The following MAEA variants were observed in gnomAD, a reference collection of about 807,000 sequenced individuals.
MAEA encodes E3 ubiquitin-protein transferase MAEA.
MAEA carries 22 observed loss-of-function variants against 46.2 expected under a neutral mutation model. The ratio of observed to expected loss-of-function variants is 0.48; its 90% CI spans 0.34 to 0.68. The LOEUF is 0.68. Among genes scored for constraint, MAEA ranks in the 30% least tolerant of loss-of-function variants. MAEA has a pLI of 0.01. For missense variants in MAEA, 393 were observed against 558.1 expected (o/e 0.70, Z 2.98); for synonymous variants, 246 against 222.6 (o/e 1.11, Z -0.94).
chr4:1,307,974 G>T (rs1228714524), intron 1 of MAEA, among the ~76,000 whole-genome samples: 1 of 148,630 alleles, frequency 6.7e-6, no homozygotes, highest in Non-Finnish European at 1.5e-5. Flanking sequence ...CCATCAAGTT[G>T]ATGCCTGAAA....
intron 1 of MAEA, among the ~76,000 whole-genome samples, chr4:1,295,446 C>G (rs569105387): frequency 6.6e-6 from 1 of 151,946 alleles, no homozygotes; most frequent in African/African-American, 2.4e-5. Context: ...GGACCCGGAC[C>G]GGGACCCTGA....
chr4:1,316,881 C>T (rs1485209464), intron 3 of MAEA, among the ~76,000 whole-genome samples: 1 of 151,956 alleles, frequency 6.6e-6, no homozygotes, highest in African/African-American at 2.4e-5. Context: ...TCCTGTCACG[C>T]TCCTGCCCAG....
intron 3 of MAEA, among the ~76,000 whole-genome samples, chr4:1,321,260 TCAAAG>T (rs1391416255): frequency 1.3e-5 from 2 of 150,886 alleles, no homozygotes; most frequent in East Asian, 3.9e-4. Flanking sequence ...AAAGAAATCA[TCAAAG>T]CAAACGTGCA....
At chr4:1,314,625 G>T (rs952054375) in intron 2 of MAEA, among the ~76,000 whole-genome samples, 2 of 152,232 alleles carry the variant, frequency 1.3e-5, no homozygotes, top group Non-Finnish European at 2.9e-5. Flanking sequence ...GAACTGATGA[G>T]TACCACCAGG....
rs1736485688 is a variant in MAEA at position 1,311,385 on chromosome 4, T to A, written c.70-594T>A. Among the ~76,000 whole-genome samples, 1 of 152,236 alleles carries A rather than the reference T, an allele frequency of 6.6e-6. No individual in the cohort carries two copies. Among genetic ancestry groups the A allele is most frequent in the Non-Finnish European group, 1.5e-5 (1 of 68,038 alleles). Reference sequence around the variant, plus strand: ...CAGAAAACTAACAACGACTTTAAGATTCTCCTTGATTGGCTTATTTCCACA... The same window carrying A: ...CAGAAAACTAACAACGACTTTAAGAATCTCCTTGATTGGCTTATTTCCACA... On this transcript the variant is annotated intron_variant, in intron 1 of 8. Transcript: ENST00000303400. The surrounding 1 kb of genome is among the most constrained non-coding windows in gnomAD (Gnocchi z 4.4).
intron 6 of MAEA, chr4:1,335,848 AGT>A (rs2109014675): frequency 1.7e-5 from 1 of 58,354 alleles, no homozygotes; most frequent in South Asian, 9.5e-4. Context: ...CCTGCCCTGC[AGT>A]GTGTTGAAAT....
At chr4:1,304,576 G>T (rs1037832140) in intron 1 of MAEA, among the ~76,000 whole-genome samples, 2 of 152,110 alleles carry the variant, frequency 1.3e-5, no homozygotes, top group African/African-American at 2.4e-5. Flanking sequence ...GAGTAGTTGG[G>T]ACTACAGGCA....
intron 3 of MAEA, among the ~76,000 whole-genome samples, chr4:1,321,306 A>G (rs543314111): frequency 6.6e-6 from 1 of 152,196 alleles, no homozygotes; most frequent in African/African-American, 2.4e-5. Context: ...TTTAAAAAAG[A>G]TATCATCAAA....
rs551215300 is a variant in MAEA at position 1,309,969 on chromosome 4, T to G, written c.70-2010T>G. On this transcript the variant is annotated intron_variant, in intron 1 of 8. Transcript: ENST00000303400. ...AAGGGACGTCCAGAGAGGCCTTTCC[T>G]TTTCTGGTGGCGGTCTGGAATGTGC... The G allele has an allele frequency of 2.6e-4, 322 of 1,243,658 alleles. 1 individual carries two copies. The African/African-American group carries it at 4.4e-3, about 17-fold the overall frequency. The allele number at this position is 1,243,658 out of a possible 1,614,324, so 77.0% of individuals were successfully genotyped here. A position where few individuals can be genotyped will look rare whatever the true frequency, so the allele number is the denominator to read the frequency against.
In MAEA at chr4:1,315,441, C is replaced by T; in HGVS notation, c.297C>T (p.Cys99=). 6.2e-7 allele frequency: 1 copy of T among 1,613,914 alleles called. No individual in the cohort carries two copies. Among genetic ancestry groups the T allele is most frequent in the Non-Finnish European group, 8.5e-7 (1 of 1,180,018 alleles). The change falls in exon 3 of 9, where the codon TGC becomes TGT. Residue 99 remains cysteine (C), a synonymous_variant. Transcript: ENST00000303400. ...IQAEDESAKL[C]KRRIEHLKEH... Reference sequence around the variant, plus strand: ...CCGAGGACGAGAGCGCCAAGCTGTGCAAGCGCCGGATCGAGCACCTCAAAG... The same window carrying T: ...CCGAGGACGAGAGCGCCAAGCTGTGTAAGCGCCGGATCGAGCACCTCAAAG...
intron 1 of MAEA, among the ~76,000 whole-genome samples, chr4:1,305,829 G>C (rs961942318): frequency 6.6e-6 from 1 of 152,176 alleles, no homozygotes; most frequent in Non-Finnish European, 1.5e-5. Context: ...GCTAAGTCCC[G>C]AGCCGGAGAC....
chr4:1,302,347 T>TA (rs1735398026), intron 1 of MAEA, among the ~76,000 whole-genome samples: 1 of 152,244 alleles, frequency 6.6e-6, no homozygotes, highest in Admixed American at 6.5e-5. Context: ...ATATTTTTGT[T>TA]ACAGCAGCCT....
intron 1 of MAEA, among the ~76,000 whole-genome samples, chr4:1,295,032 T>C (rs1734499190): frequency 6.6e-6 from 1 of 152,024 alleles, no homozygotes; most frequent in Admixed American, 6.5e-5. Flanking sequence ...ACAGTGAGAC[T>C]GGGTGCTGGG....
Position 1,311,874 on chromosome 4 carries a change from T to C in MAEA, c.70-105T>C. On this transcript the variant is annotated intron_variant, in intron 1 of 8. Transcript: ENST00000303400. This position sits in a 1 kb window ranked among gnomAD's most constrained non-coding sequence, Gnocchi z 4.4. ...TTGAGACCATGAACCTTCTGAGACT[T>C]CTGCCTCTACAAGTGCCATGAGGAG... 3.1e-6 allele frequency: 3 copies of C among 983,272 alleles called. No homozygotes were observed. Among genetic ancestry groups the C allele is most frequent in the Non-Finnish European group, 4.6e-6 (3 of 654,832 alleles). 60.9% of individuals were successfully genotyped at this position (983,272 alleles called of 1,614,324 possible).
At chr4:1,331,960 A>T (rs932474829) in intron 5 of MAEA, 3 of 152,694 alleles carry the variant, frequency 2.0e-5, no homozygotes, top group Admixed American at 6.5e-5. Context: ...GGTGTGTGGC[A>T]CGCTCAGGGC....
intron 3 of MAEA, among the ~76,000 whole-genome samples, chr4:1,317,727 T>C (rs13129712): frequency 0.78 from 119,314 of 152,138 alleles, 47,705 homozygotes; most frequent in African/African-American, 0.95. Flanking sequence ...GTGAATGTGA[T>C]GTGTCACAGC....
chr4:1,307,696 G>C (rs1735968133), intron 1 of MAEA, among the ~76,000 whole-genome samples: 1 of 152,224 alleles, frequency 6.6e-6, no homozygotes, highest in African/African-American at 2.4e-5. Flanking sequence ...CCAAAGGCCT[G>C]AGAACCCTGG....
chr4:1,297,279 C>T (rs1296706017), intron 1 of MAEA, among the ~76,000 whole-genome samples: 1 of 152,204 alleles, frequency 6.6e-6, no homozygotes, highest in Non-Finnish European at 1.5e-5. Context: ...ACGATGGCTG[C>T]TGGGGCTGCG....
intron 1 of MAEA, among the ~76,000 whole-genome samples, chr4:1,297,252 C>T (rs1283601014): frequency 2.0e-5 from 3 of 152,226 alleles, no homozygotes; most frequent in Non-Finnish European, 4.4e-5. Flanking sequence ...CTGTTTCTCA[C>T]GTTTATCCTT....
Sources: allele counts gnomAD v4.1 joint callset (sites outside exome capture counted in the v4.1 genomes callset), GRCh38; gene constraint gnomAD v4.1.1; non-coding constraint Gnocchi (gnomAD v3.1); transcripts MANE v1.5; gene names NCBI Gene and HGNC (gene_info 2026-07-23, HGNC 2026-07-21).